EFCAB13: variants seen among roughly 807,000 people sequenced by gnomAD.
The protein encoded by EFCAB13 is EF-hand calcium binding domain 13, also known as EF-hand calcium-binding domain-containing protein 13.
Under a neutral mutation model 110.2 loss-of-function variants are expected in EFCAB13, and 91 were observed. That is an observed-to-expected ratio of 0.83 (90% CI 0.70 to 0.98). The LOEUF (loss-of-function observed/expected upper bound fraction) is 0.98, where lower values mean the gene tolerates loss of function less well. Ranked by LOEUF, EFCAB13 falls within the 50% of genes least tolerant of loss-of-function variation. EFCAB13 has a pLI of 0.00. For missense variants in EFCAB13, 968 were observed against 1,119.4 expected, an observed-to-expected ratio of 0.86 and a Z score of 1.93; for synonymous variants, 323 against 369.9, an observed-to-expected ratio of 0.87 and a Z score of 1.45.
intron 24 of EFCAB13, among the ~76,000 whole-genome samples, chr17:47,437,053 T>A (rs72829651): frequency 0.084 from 12,730 of 152,210 alleles, 700 homozygotes; most frequent in East Asian, 0.29. Context: ...TCAAATTTTC[T>A]TGTATTTGCA....
At chr17:47,432,130 G>A (rs77454872) in intron 24 of EFCAB13, among the ~76,000 whole-genome samples, 69,496 of 151,468 alleles carry the variant, frequency 0.46, 16,251 homozygotes, top group Non-Finnish European at 0.49. Context: ...GGCCAGGTGC[G>A]GTGGCTCATG....
intron 23 of EFCAB13, among the ~76,000 whole-genome samples, chr17:47,422,353 C>T (rs1010573697): frequency 6.6e-6 from 1 of 152,160 alleles, no homozygotes; most frequent in African/African-American, 2.4e-5. Flanking sequence ...ACTATCATCA[C>T]TTCTGTTCAA....
chr17:47,359,513 T>C (rs2065498458), intron 9 of EFCAB13, among the ~76,000 whole-genome samples: 1 of 135,680 alleles, frequency 7.4e-6, no homozygotes, highest in African/African-American at 2.5e-5. Flanking sequence ...ATAATGGGAA[T>C]TGTGTTTTTT....
At chr17:47,340,112 G>T (rs1437244727) in intron 5 of EFCAB13, 2 of 152,076 alleles carry the variant, frequency 1.3e-5, no homozygotes, top group African/African-American at 4.8e-5. Context: ...GTTCAAAATG[G>T]TATAAAATTA....
chr17:47,349,975 C>G (rs2065440333), intron 9 of EFCAB13, among the ~76,000 whole-genome samples: 1 of 151,668 alleles, frequency 6.6e-6, no homozygotes, highest in African/African-American at 2.4e-5. Flanking sequence ...GGGGTTTCAC[C>G]TTGTTAGCCA....
At chr17:47,400,630 C>T (rs1268117426) in intron 17 of EFCAB13, among the ~76,000 whole-genome samples, 1 of 151,298 alleles carries the variant, frequency 6.6e-6, no homozygotes, top group Non-Finnish European at 1.5e-5. Flanking sequence ...CTTCCCTTCC[C>T]ACTCTCCCTC....
chr17:47,414,335 A>G (rs1270942149), intron 22 of EFCAB13, among the ~76,000 whole-genome samples: 1 of 152,108 alleles, frequency 6.6e-6, no homozygotes, highest in Non-Finnish European at 1.5e-5. Flanking sequence ...CTTAGACTGC[A>G]TCAATTAAAA....
chr17:47,412,183 G>A (rs1301459791), intron 21 of EFCAB13, among the ~76,000 whole-genome samples: 2 of 152,244 alleles, frequency 1.3e-5, no homozygotes, highest in East Asian at 3.8e-4. Context: ...AGATCAACAG[G>A]ACTGCCCCGT....
chr17:47,363,683 A>T (rs1483389613), intron 10 of EFCAB13, among the ~76,000 whole-genome samples: 1 of 152,204 alleles, frequency 6.6e-6, no homozygotes, highest in Non-Finnish European at 1.5e-5. Context: ...AAGAGTGAGA[A>T]AAACATCTTA....
intron 15 of EFCAB13, among the ~76,000 whole-genome samples, chr17:47,393,313 T>G (rs2065718345): frequency 1.3e-5 from 2 of 152,144 alleles, no homozygotes; most frequent in Non-Finnish European, 2.9e-5. Context: ...CTTTGGAAAA[T>G]AATATGTAGT....
At chr17:47,362,165 T>G (rs1233833454) in intron 10 of EFCAB13, among the ~76,000 whole-genome samples, 1 of 152,152 alleles carries the variant, frequency 6.6e-6, no homozygotes. Flanking sequence ...ATACTAGATA[T>G]AGATCTTTGA....
chr17:47,372,433 C>A (rs2143354250), intron 11 of EFCAB13, among the ~76,000 whole-genome samples: 1 of 152,132 alleles, frequency 6.6e-6, no homozygotes, highest in African/African-American at 2.4e-5. Context: ...CTTAACAAAT[C>A]ATTGTAGCTT....
At chr17:47,343,148 T>C (rs931079542) in intron 6 of EFCAB13, among the ~76,000 whole-genome samples, 3 of 152,158 alleles carry the variant, frequency 2.0e-5, no homozygotes, top group African/African-American at 4.8e-5. Context: ...TTTTGTACAT[T>C]CTTTCATATA....
At position 47,342,671 on chromosome 17, in the gene EFCAB13, C is replaced by T. The variant is rs148740354; in HGVS notation, c.303+639C>T. Among the ~76,000 whole-genome samples, 28 of 152,214 alleles carry T rather than the reference C, an allele frequency of 1.8e-4. 1 individual carries two copies. The East Asian group carries it at 3.5e-3, about 19-fold the overall frequency. The stretch of plus-strand genomic sequence containing the variant: ...TGAGAATGCATGCCTTTCTTCAATT[C>T]TGGAAAATTCTAATATGTTATCTTT... On this transcript the variant is annotated intron_variant, in intron 6 of 24. Transcript: ENST00000331493.
chr17:47,358,669 A>T (rs2065493845), intron 9 of EFCAB13, among the ~76,000 whole-genome samples: 1 of 152,104 alleles, frequency 6.6e-6, no homozygotes, highest in Non-Finnish European at 1.5e-5. Flanking sequence ...ACATTTTATC[A>T]CAAAATTTAT....
intron 12 of EFCAB13, among the ~76,000 whole-genome samples, chr17:47,376,000 C>T (rs2065613465): frequency 6.6e-6 from 1 of 152,122 alleles, no homozygotes; most frequent in Admixed American, 6.5e-5. Flanking sequence ...CCTTGTATTA[C>T]TTTCATCATA....
chr17:47,343,505 G>A (rs2065397381), intron 6 of EFCAB13, among the ~76,000 whole-genome samples: 5 of 151,926 alleles, frequency 3.3e-5, no homozygotes, highest in Admixed American at 3.3e-4. Flanking sequence ...GAAGATTTTG[G>A]TTCCGTATGG....
chr17:47,361,051 A>C (rs72825656), intron 9 of EFCAB13, among the ~76,000 whole-genome samples: 6 of 152,130 alleles, frequency 3.9e-5, no homozygotes, highest in African/African-American at 1.4e-4. Context: ...CTGACATTCA[A>C]AAGTAGATGT....
At chr17:47,386,476 C>T (rs62076502) in intron 14 of EFCAB13, among the ~76,000 whole-genome samples, 23,239 of 152,140 alleles carry the variant, frequency 0.15, 2,071 homozygotes, top group Non-Finnish European at 0.21. Context: ...TGGCAGATGC[C>T]CTTCCCCACA....
Sources: allele counts gnomAD v4.1 joint callset (sites outside exome capture counted in the v4.1 genomes callset), GRCh38; gene constraint gnomAD v4.1.1; transcripts MANE v1.5; gene names NCBI Gene and HGNC (gene_info 2026-07-23, HGNC 2026-07-21).